Variants in ERBB4 observed in about 807,000 individuals in gnomAD.
ERBB4 encodes erb-b2 receptor tyrosine kinase 4.
A neutral mutation model predicts 158.0 loss-of-function variants in ERBB4; 42 were observed. The observed-to-expected ratio is 0.27, with a 90% CI of 0.21 to 0.34. The LOEUF is 0.34. Ranked by LOEUF, ERBB4 falls within the 10% of genes least tolerant of loss-of-function variation. The pLI is 1.00. For synonymous variants in ERBB4, 583 were observed against 558.7 expected (o/e 1.04, Z -0.61); for missense variants, 1,333 against 1,624.1 (o/e 0.82, Z 3.08).
chr2:211,517,641 C>T (rs954140108), intron 20 of ERBB4, among the ~76,000 whole-genome samples: 6 of 152,122 alleles, frequency 3.9e-5, no homozygotes, highest in Admixed American at 2.0e-4. Context: ...CTGACATTTA[C>T]ATTATTTCCT....
chr2:212,480,683 G>A (rs1689649682), intron 1 of ERBB4, among the ~76,000 whole-genome samples: 1 of 152,190 alleles, frequency 6.6e-6, no homozygotes, highest in African/African-American at 2.4e-5. Flanking sequence ...AGCCATATGT[G>A]CTGTTGGCAA....
chr2:212,061,525 T>A (rs1459223988), intron 2 of ERBB4, among the ~76,000 whole-genome samples: 1 of 147,602 alleles, frequency 6.8e-6, no homozygotes, highest in Non-Finnish European at 1.5e-5. Flanking sequence ...TAAGCCATAT[T>A]CTATAGTTTC....
At chr2:211,623,024 T>A (rs2069686772) in intron 18 of ERBB4, among the ~76,000 whole-genome samples, 13 of 70,584 alleles carry the variant, frequency 1.8e-4, no homozygotes, top group African/African-American at 8.0e-4. Flanking sequence ...TATATATATA[T>A]ATATATATAT....
At chr2:212,528,626 C>A (rs1560563367) in intron 1 of ERBB4, among the ~76,000 whole-genome samples, 1 of 152,060 alleles carries the variant, frequency 6.6e-6, no homozygotes, top group East Asian at 1.9e-4. Context: ...CTCTTTTAGG[C>A]AAATATAAAT....
At chr2:211,858,898 T>G (rs144582891) in intron 3 of ERBB4, among the ~76,000 whole-genome samples, 1 of 152,188 alleles carries the variant, frequency 6.6e-6, no homozygotes, top group African/African-American at 2.4e-5. Flanking sequence ...TCTCCTGCCT[T>G]AGCCTCCCGA....
chr2:211,722,828 C>T (rs890585047), intron 6 of ERBB4, among the ~76,000 whole-genome samples: 4 of 152,198 alleles, frequency 2.6e-5, no homozygotes, highest in Non-Finnish European at 5.9e-5. Flanking sequence ...TGAGTTCACA[C>T]TTATTCAAAG....
chr2:212,006,432 A>G (rs570346580), intron 2 of ERBB4, among the ~76,000 whole-genome samples: 53 of 152,196 alleles, frequency 3.5e-4, no homozygotes, highest in African/African-American at 1.2e-3. Context: ...ATATAATTAT[A>G]TTTCTAGTTA....
intron 2 of ERBB4, among the ~76,000 whole-genome samples, chr2:212,101,531 A>G (rs568100575): frequency 8.6e-5 from 13 of 151,918 alleles, no homozygotes; most frequent in African/African-American, 2.9e-4. Flanking sequence ...ACCACAAAAA[A>G]TAACCAATCT....
intron 2 of ERBB4, among the ~76,000 whole-genome samples, chr2:211,972,921 TAA>T (rs1318353512): frequency 6.6e-6 from 1 of 152,086 alleles, no homozygotes; most frequent in Non-Finnish European, 1.5e-5. Flanking sequence ...ATAATTAAAC[TAA>T]AGAGTTTCTG....
intron 19 of ERBB4, among the ~76,000 whole-genome samples, chr2:211,614,832 C>G (rs1851190): frequency 0.86 from 130,786 of 152,048 alleles, 56,592 homozygotes; most frequent in Middle Eastern, 0.92. Context: ...GAGAAACATA[C>G]AAAGACTATT....
intron 2 of ERBB4, among the ~76,000 whole-genome samples, chr2:212,123,328 G>A (rs991447561): frequency 2.0e-5 from 3 of 152,166 alleles, no homozygotes; most frequent in Admixed American, 6.5e-5. Context: ...GCTTGAACTC[G>A]TGAGGCGGAG....
rs10177286 is a variant in ERBB4, at chr2:211,970,555, C to T, written c.235-22939G>A. Among the ~76,000 whole-genome samples, 1,207 of 152,234 alleles carry T rather than the reference C, an allele frequency of 7.9e-3. 15 individuals are homozygous for T. Among genetic ancestry groups the T allele is most frequent in the African/African-American group, 0.028 (1,157 of 41,552 alleles). On this transcript the variant is annotated intron_variant, in intron 2 of 27. Transcript: ENST00000342788. ...TAAACTTGCTTTATGAATCTAGGTGCTCCTGTGTGGGAAGTATATAGATTT... is the reference window on the plus strand; with the variant it reads ...TAAACTTGCTTTATGAATCTAGGTGTTCCTGTGTGGGAAGTATATAGATTT...
intron 1 of ERBB4, among the ~76,000 whole-genome samples, chr2:212,171,599 G>A (rs559151967): frequency 1.2e-4 from 19 of 152,234 alleles, no homozygotes; most frequent in Non-Finnish European, 2.1e-4. Context: ...CCAGGTTGAA[G>A]GTGATTGGAT....
chr2:212,504,660 T>C (rs1349254251), intron 1 of ERBB4, among the ~76,000 whole-genome samples: 3 of 152,150 alleles, frequency 2.0e-5, no homozygotes, highest in African/African-American at 4.8e-5. Context: ...GTCTGAACCA[T>C]AACGTATAGA....
intron 2 of ERBB4, among the ~76,000 whole-genome samples, chr2:212,073,477 C>T (rs936956357): frequency 5.3e-5 from 8 of 151,900 alleles, no homozygotes; most frequent in African/African-American, 1.9e-4. Context: ...TATTCACACA[C>T]CATTGTGGCC....
intron 20 of ERBB4, among the ~76,000 whole-genome samples, chr2:211,537,341 T>C (rs1033991764): frequency 6.6e-6 from 1 of 152,036 alleles, no homozygotes; most frequent in African/African-American, 2.4e-5. Context: ...ATTTCTATAA[T>C]TATTTGACAT....
At chr2:211,407,738 C>T (rs2063175246) in intron 25 of ERBB4, among the ~76,000 whole-genome samples, 1 of 152,202 alleles carries the variant, frequency 6.6e-6, no homozygotes, top group Admixed American at 6.5e-5. Flanking sequence ...AAATTAGCCT[C>T]TCTTTAGAAC....
chr2:211,889,187 C>T (rs549495145), intron 3 of ERBB4, among the ~76,000 whole-genome samples: 2,076 of 125,604 alleles, frequency 0.017, 69 homozygotes, highest in African/African-American at 0.024. Context: ...TCTCCCAGCA[C>T]GCAGCTGGAG....
chr2:212,211,614 ATCT>A (rs2082935990), intron 1 of ERBB4, among the ~76,000 whole-genome samples: 1 of 142,292 alleles, frequency 7.0e-6, no homozygotes. Flanking sequence ...TAAAAAATTT[ATCT>A]AAAAAAAAAA....
Sources: allele counts gnomAD v4.1 joint callset (sites outside exome capture counted in the v4.1 genomes callset), GRCh38; gene constraint gnomAD v4.1.1; transcripts MANE v1.5; gene names NCBI Gene and HGNC (gene_info 2026-07-23, HGNC 2026-07-21).